Variants in INPP4B observed in about 807,000 individuals in gnomAD.
INPP4B encodes the protein inositol polyphosphate-4-phosphatase type II B.
A neutral mutation model predicts 122.5 loss-of-function variants in INPP4B; 55 were observed. The observed-to-expected ratio is 0.45, with a 90% CI of 0.36 to 0.56. The LOEUF (loss-of-function observed/expected upper bound fraction) is 0.56, where lower values mean the gene tolerates loss of function less well. Ranked by LOEUF, INPP4B falls within the 20% of genes least tolerant of loss-of-function variation. The probability of loss-of-function intolerance (pLI) is 0.00; values close to 1 mark genes in which losing one functional copy is unlikely to be tolerated. For synonymous variants in INPP4B, 403 were observed against 388.7 expected (o/e 1.04, Z -0.43); for missense variants, 1,000 against 1,097.7 (o/e 0.91, Z 1.26).
At chr4:142,826,410 G>T (rs568904188) in intron 1 of INPP4B, among the ~76,000 whole-genome samples, 90 of 152,062 alleles carry the variant, frequency 5.9e-4, no homozygotes, top group East Asian at 2.3e-3. Flanking sequence ...TGCAGATTTT[G>T]CCTGGTGTCC....
chr4:142,125,590 T>A (rs1420065365), intron 18 of INPP4B, among the ~76,000 whole-genome samples: 1 of 152,134 alleles, frequency 6.6e-6, no homozygotes, highest in Non-Finnish European at 1.5e-5. Flanking sequence ...TTTCTACTTA[T>A]CTTCCTGACA....
intron 5 of INPP4B, among the ~76,000 whole-genome samples, chr4:142,420,801 G>A (rs1028054744): frequency 1.3e-5 from 2 of 152,140 alleles, no homozygotes; most frequent in African/African-American, 2.4e-5. Flanking sequence ...TGTCAAAAGT[G>A]TTTAATGCCT....
intron 12 of INPP4B, among the ~76,000 whole-genome samples, chr4:142,228,267 G>C (rs1579358617): frequency 6.6e-6 from 1 of 152,000 alleles, no homozygotes; most frequent in Non-Finnish European, 1.5e-5. Flanking sequence ...AACAGGAAAT[G>C]TGGAATTGAT....
chr4:142,839,135 C>T (rs1380132831), intron 1 of INPP4B, among the ~76,000 whole-genome samples: 1 of 152,178 alleles, frequency 6.6e-6, no homozygotes, highest in Non-Finnish European at 1.5e-5. Context: ...CATGGGTCTG[C>T]TATATCTACA....
At chr4:142,776,950 A>C (rs1774012069) in intron 1 of INPP4B, among the ~76,000 whole-genome samples, 1 of 152,150 alleles carries the variant, frequency 6.6e-6, no homozygotes, top group Non-Finnish European at 1.5e-5. Context: ...GGTTGCTTTT[A>C]ATCTGATTTA....
chr4:142,559,533 G>A lies in INPP4B; in HGVS notation c.-190-96807C>T, dbSNP rs1729989540. On this transcript the variant is annotated intron_variant, in intron 2 of 25. Transcript: ENST00000262992. ...AACATTCAAAAGCATCAAATAGCAA[G>A]GATGTCTTGCTATTTTTATTATTTC... Among the ~76,000 whole-genome samples, 3 of 152,176 alleles carry A rather than the reference G, an allele frequency of 2.0e-5. No individual in the cohort carries two copies. The South Asian group carries it at 6.2e-4, about 32-fold the overall frequency.
intron 7 of INPP4B, among the ~76,000 whole-genome samples, chr4:142,365,825 C>G (rs1403830805): frequency 6.6e-6 from 1 of 151,982 alleles, no homozygotes; most frequent in African/African-American, 2.4e-5. Context: ...TTTTCCCTCA[C>G]TTACTCAGGG....
intron 18 of INPP4B, among the ~76,000 whole-genome samples, chr4:142,144,180 C>T (rs1809384433): frequency 6.7e-6 from 1 of 149,648 alleles, no homozygotes; most frequent in Non-Finnish European, 1.5e-5. Flanking sequence ...TTTTAAAATG[C>T]ATTTTGAATG....
Position 142,027,906 on chromosome 4 carries a change from A to G in INPP4B, c.*876T>C, listed in dbSNP as rs1737520703. On this transcript the variant is annotated 3_prime_UTR_variant, in exon 26 of 26. Coordinates refer to ENST00000262992, the MANE Select transcript of INPP4B (RefSeq NM_001101669.3). Reference sequence around the variant, plus strand: ...TATGCCATAACTGCATGCTTACACCAGGATGACTGCTAAGAAACATCTCAG... The same window carrying G: ...TATGCCATAACTGCATGCTTACACCGGGATGACTGCTAAGAAACATCTCAG... The G allele has an allele frequency of 5.5e-6, 1 of 182,532 alleles. No individual in the cohort carries two copies. The allele number at this position is 182,532 out of a possible 1,614,324, so 11.3% of individuals were successfully genotyped here. A position where few individuals can be genotyped will look rare whatever the true frequency, so the allele number is the denominator to read the frequency against.
At position 142,638,768 on chromosome 4, in the gene INPP4B, G is replaced by A. The variant is rs148212490; in HGVS notation, c.-191+87071C>T. Among the ~76,000 whole-genome samples the A allele has an allele frequency of 7.5e-3, 1,145 of 151,918 alleles. 6 individuals carry two copies. The highest frequency in any genetic ancestry group is 0.011 in the Non-Finnish European group (774 of 67,948). On this transcript the variant is annotated intron_variant, in intron 2 of 25. Transcript: ENST00000262992. ...TCACCATGTTAGCCAGGATGGTCTC[G>A]ATCTCCTGACCTCGTGATCCACCCA...
At chr4:142,561,033 C>A (rs1033363728) in intron 2 of INPP4B, among the ~76,000 whole-genome samples, 1 of 152,112 alleles carries the variant, frequency 6.6e-6, no homozygotes, top group East Asian at 1.9e-4. Context: ...GAATTACTGC[C>A]AAATCCATAT....
chr4:142,050,396 A>G (rs1018654152), intron 25 of INPP4B, among the ~76,000 whole-genome samples: 3 of 152,004 alleles, frequency 2.0e-5, no homozygotes, highest in Admixed American at 6.6e-5. Context: ...TTTTCTAATA[A>G]GAAGTATTTC....
At chr4:142,726,304 T>C (rs1014207647) in intron 1 of INPP4B, among the ~76,000 whole-genome samples, 8 of 152,208 alleles carry the variant, frequency 5.3e-5, no homozygotes, top group African/African-American at 1.9e-4. Context: ...ATTATCTAAA[T>C]TGACTTTCCT....
chr4:142,701,214 C>T (rs1761716966), intron 2 of INPP4B, among the ~76,000 whole-genome samples: 3 of 152,052 alleles, frequency 2.0e-5, no homozygotes. Context: ...TCATAATTAC[C>T]ACTGACTGTT....
chr4:142,521,523 A>T (rs1361249176), intron 2 of INPP4B, among the ~76,000 whole-genome samples: 1 of 152,060 alleles, frequency 6.6e-6, no homozygotes, highest in African/African-American at 2.4e-5. Context: ...GGCCACATTA[A>T]TCTAACAGGC....
At chr4:142,766,020 T>C (rs1274666448) in intron 1 of INPP4B, 1 of 152,126 alleles carries the variant, frequency 6.6e-6, no homozygotes, top group African/African-American at 2.4e-5. Context: ...AAAGTAGAGA[T>C]ATTGAATCAA....
chr4:142,483,019 T>C (rs1820748183), intron 2 of INPP4B, among the ~76,000 whole-genome samples: 1 of 152,038 alleles, frequency 6.6e-6, no homozygotes, highest in African/African-American at 2.4e-5. Context: ...GGACAAAGAT[T>C]ATAATATGAA....
At chr4:142,771,005 G>A (rs1006715651) in intron 1 of INPP4B, among the ~76,000 whole-genome samples, 4 of 152,218 alleles carry the variant, frequency 2.6e-5, no homozygotes, top group Non-Finnish European at 5.9e-5. Context: ...TGGAAAGTGC[G>A]GGTAACAAAT....
intron 17 of INPP4B, among the ~76,000 whole-genome samples, chr4:142,157,101 GA>G (rs932945252): frequency 2.0e-5 from 3 of 152,028 alleles, no homozygotes; most frequent in African/African-American, 7.2e-5. Flanking sequence ...AATCAGCACT[GA>G]AACTTTTCTA....
Sources: allele counts gnomAD v4.1 joint callset (sites outside exome capture counted in the v4.1 genomes callset), GRCh38; gene constraint gnomAD v4.1.1; transcripts MANE v1.5; gene names NCBI Gene and HGNC (gene_info 2026-07-23, HGNC 2026-07-21).